RELL1: variants seen among roughly 807,000 people sequenced by gnomAD.
RELL1 encodes RELT-like protein 1.
In RELL1, 10 loss-of-function variants were observed where a neutral mutation model predicts 23.0. The ratio of observed to expected loss-of-function variants is 0.43; its 90% CI spans 0.27 to 0.74. RELL1 has a LOEUF of 0.74. RELL1 is among the 30% of genes least tolerant of loss of function. RELL1 has a pLI of 0.19. For missense variants in RELL1, 315 were observed against 364.4 expected (o/e 0.86, Z 1.10); for synonymous variants, 146 against 146.8 (o/e 0.99, Z 0.04).
intron 6 of RELL1, chr4:37,591,445 G>T (rs1179201190): frequency 6.5e-6 from 1 of 154,034 alleles, no homozygotes; most frequent in East Asian, 1.9e-4. Flanking sequence ...ACCCAACCTG[G>T]AAAAAGTAAC....
chr4:37,635,184 C>A, intron 4 of RELL1, 61 bp from the exon 5 acceptor site: 6 of 1,302,156 alleles, frequency 4.6e-6, no homozygotes, highest in Non-Finnish European at 6.7e-6. Context: ...CGAAGGTGAT[C>A]TCTCTCCCTG....
intron 1 of RELL1, among the ~76,000 whole-genome samples, chr4:37,675,065 C>T (rs1313848734): frequency 6.6e-6 from 1 of 152,178 alleles, no homozygotes; most frequent in African/African-American, 2.4e-5. Context: ...ATTTCTAAGC[C>T]TAATGACATG....
chr4:37,597,567 C>T (rs909424649), intron 6 of RELL1, among the ~76,000 whole-genome samples: 8 of 152,202 alleles, frequency 5.3e-5, no homozygotes, highest in Non-Finnish European at 1.2e-4. Flanking sequence ...TCACAGGCCA[C>T]AGAAGGTCCA....
downstream of RELL1, among the ~76,000 whole-genome samples, chr4:37,589,837 G>C (rs919485210): frequency 8.5e-5 from 13 of 152,138 alleles, no homozygotes; most frequent in African/African-American, 3.1e-4. Context: ...TCACCATGTC[G>C]GTCAGGCTGG....
chr4:37,630,941 T>C (rs1243539858), intron 6 of RELL1, among the ~76,000 whole-genome samples: 1 of 146,112 alleles, frequency 6.8e-6, no homozygotes, highest in Admixed American at 6.8e-5. Context: ...CATGGTTGTT[T>C]AAAAAAAAAA....
chr4:37,605,849 A>AGG, downstream of RELL1, among the ~76,000 whole-genome samples: 1 of 75,690 alleles, frequency 1.3e-5, no homozygotes, highest in Non-Finnish European at 4.6e-5. Context: ...GAAAGAAGGA[A>AGG]AAGAAAAGAA....
chr4:37,617,217 T>TCAGAGTCTACGGGGTTGA (rs1648720530), intron 6 of RELL1, among the ~76,000 whole-genome samples: 1 of 152,174 alleles, frequency 6.6e-6, no homozygotes, highest in Non-Finnish European at 1.5e-5. Flanking sequence ...ACCTACTAAA[T>TCAGAGTCTACGGGGTTGA]CAGAGTCTAC....
downstream of RELL1, among the ~76,000 whole-genome samples, chr4:37,605,914 G>A (rs917453697): frequency 6.0e-5 from 5 of 83,776 alleles, no homozygotes; most frequent in African/African-American, 1.5e-4. Context: ...AAAGAGGAAG[G>A]AAGGGAGGGA....
At chr4:37,616,800 A>G (rs2109237594) in intron 6 of RELL1, among the ~76,000 whole-genome samples, 1 of 152,294 alleles carries the variant, frequency 6.6e-6, no homozygotes, top group East Asian at 1.9e-4. Flanking sequence ...CACACTTCTT[A>G]GTTAGAGATT....
intron 1 of RELL1, among the ~76,000 whole-genome samples, chr4:37,661,400 C>T (rs923244140): frequency 1.3e-5 from 2 of 152,162 alleles, no homozygotes; most frequent in Non-Finnish European, 1.5e-5. Context: ...CTGCCTCAGC[C>T]TCCAGAGTAT....
At chr4:37,650,476 A>G (rs978360947) in intron 1 of RELL1, among the ~76,000 whole-genome samples, 2 of 152,190 alleles carry the variant, frequency 1.3e-5, no homozygotes, top group African/African-American at 4.8e-5. Flanking sequence ...TGATGGCATC[A>G]GAAACAGCCA....
chr4:37,684,050 T>C (rs1183385296), intron 1 of RELL1, among the ~76,000 whole-genome samples: 1 of 152,160 alleles, frequency 6.6e-6, no homozygotes, highest in Admixed American at 6.5e-5. Context: ...CACTCCAGCC[T>C]GGGCGACAGA....
chr4:37,588,121 A>G (rs899776526), downstream of RELL1: 2 of 152,302 alleles, frequency 1.3e-5, no homozygotes, highest in African/African-American at 2.4e-5. Flanking sequence ...TCCAAAGGAA[A>G]TGATGGGGAA....
At chr4:37,670,718 G>C (rs555303526) in intron 1 of RELL1, among the ~76,000 whole-genome samples, 2 of 151,426 alleles carry the variant, frequency 1.3e-5, no homozygotes, top group Non-Finnish European at 3.0e-5. Flanking sequence ...CTACAGGCAC[G>C]TGCCACCATG....
At chr4:37,595,063 T>G (rs1031593595) in intron 6 of RELL1, among the ~76,000 whole-genome samples, 2 of 152,230 alleles carry the variant, frequency 1.3e-5, no homozygotes, top group African/African-American at 2.4e-5. Flanking sequence ...TTGTTTCATT[T>G]TTTTTCTCTA....
intron 5 of RELL1, among the ~76,000 whole-genome samples, chr4:37,633,054 A>G (rs2109260727): frequency 6.6e-6 from 1 of 152,306 alleles, no homozygotes; most frequent in Non-Finnish European, 1.5e-5. Flanking sequence ...ACAGCCTGGA[A>G]TCATTAAGCG....
exon 7 of RELL1, chr4:37,591,027 G>T: frequency 6.4e-7 from 1 of 1,568,160 alleles, no homozygotes; most frequent in Non-Finnish European, 8.7e-7. Context: ...AGGGAGGTAA[G>T]CTGGTGTCAT....
intron 1 of RELL1, among the ~76,000 whole-genome samples, chr4:37,669,375 CG>C (rs1350051004): frequency 2.5e-3 from 363 of 146,876 alleles, no homozygotes; most frequent in Non-Finnish European, 4.3e-3. Context: ...GGTCAGTCCC[CG>C]GCCCGGCCAG....
chr4:37,659,289 A>G (rs1239923620), intron 1 of RELL1, among the ~76,000 whole-genome samples: 1 of 152,230 alleles, frequency 6.6e-6, no homozygotes, highest in Non-Finnish European at 1.5e-5. Flanking sequence ...TCCTGCTGAG[A>G]TTACAAAAGA....
Sources: allele counts gnomAD v4.1 joint callset (sites outside exome capture counted in the v4.1 genomes callset), GRCh38; gene constraint gnomAD v4.1.1; transcripts MANE v1.5; gene names NCBI Gene and HGNC (gene_info 2026-07-23, HGNC 2026-07-21).